The following ECE1 variants were observed in gnomAD, a reference collection of about 807,000 sequenced individuals.
The protein encoded by ECE1 is endothelin converting enzyme 1, also known as endothelin-converting enzyme 1.
Under a neutral mutation model 98.6 loss-of-function variants are expected in ECE1, and 35 were observed. That is an observed-to-expected ratio of 0.35 (90% CI 0.27 to 0.47). The LOEUF (loss-of-function observed/expected upper bound fraction) is 0.47. Ranked by LOEUF, ECE1 falls within the 20% of genes least tolerant of loss-of-function variation. The probability of loss-of-function intolerance (pLI) is 1.00; values close to 1 mark genes in which losing one functional copy is unlikely to be tolerated. For synonymous variants in ECE1, 394 were observed against 407.1 expected, an observed-to-expected ratio of 0.97 and a Z score of 0.39; for missense variants, 814 against 1,025.3, an observed-to-expected ratio of 0.79 and a Z score of 2.81.
At chr1:21,259,425 A>G (rs1288345290) in intron 5 of ECE1, among the ~76,000 whole-genome samples, 3 of 151,960 alleles carry the variant, frequency 2.0e-5, no homozygotes, top group Non-Finnish European at 2.9e-5. Flanking sequence ...GTATCACCAC[A>G]CCTGGCTAAT....
intron 4 of ECE1, among the ~76,000 whole-genome samples, chr1:21,262,940 C>T (rs547963679): frequency 5.2e-4 from 79 of 152,174 alleles, no homozygotes; most frequent in Non-Finnish European, 8.7e-4. Flanking sequence ...GGAGGCCTGT[C>T]CACGTGAGGC....
intron 14 of ECE1, among the ~76,000 whole-genome samples, chr1:21,229,467 T>C (rs1343803678): frequency 6.6e-6 from 1 of 152,134 alleles, no homozygotes; most frequent in Non-Finnish European, 1.5e-5. Context: ...CTATGGAATT[T>C]CAGACGTGGA....
intron 1 of ECE1, among the ~76,000 whole-genome samples, chr1:21,318,798 C>T (rs555796623): frequency 2.0e-5 from 3 of 152,108 alleles, no homozygotes; most frequent in African/African-American, 4.8e-5. Context: ...TGCCAAAAAG[C>T]GGACGGGGGA....
At chr1:21,335,822 G>T (rs1351545993) in intron 1 of ECE1, among the ~76,000 whole-genome samples, 1 of 152,176 alleles carries the variant, frequency 6.6e-6, no homozygotes, top group Non-Finnish European at 1.5e-5. Context: ...CAGGGAGCTG[G>T]GAAGCTTCGA....
Position 21,260,347 on chromosome 1 carries a change from A to T in ECE1, c.539T>A (p.Val180Glu). 6.2e-7 allele frequency: 1 copy of T among 1,614,218 alleles called. No homozygotes were observed. The highest frequency in any genetic ancestry group is 1.3e-5 in the African/African-American group (1 of 75,054). The stretch of plus-strand genomic sequence containing the variant: ...CTCGTTCATGCACGCACGGTAGTAT[A>T]CTTGCGCCTTTCTCTCTGCCTCGCT... ...SVSEAERKAQ[V>E]YYRACMNETR... is the part of the protein sequence containing the mutation. The change falls in exon 5 of 19, where the codon GTA becomes GAA. Residue 180 changes from valine (V) to glutamate (E), a missense_variant. Val to Glu is a moderately radical substitution (Grantham distance 121). Around this residue, in one of 3 missense-constraint regions of ECE1, gnomAD observed 257 missense variants for 278.9 expected, o/e 0.92. Coordinates refer to ENST00000374893, the MANE Select transcript of ECE1 (RefSeq NM_001397.3). The surrounding 1 kb of genome is among the most constrained non-coding windows in gnomAD (Gnocchi z 4.3).
chr1:21,249,532 CA>C (rs28751277), intron 8 of ECE1, among the ~76,000 whole-genome samples: 67,586 of 151,088 alleles, frequency 0.45, 15,269 homozygotes, highest in Non-Finnish European at 0.46. Context: ...CCCATCTTTA[CA>C]AAAAAAAATT....
At chr1:21,250,878 A>G (rs1448737807) in intron 8 of ECE1, among the ~76,000 whole-genome samples, 4 of 152,182 alleles carry the variant, frequency 2.6e-5, no homozygotes, top group African/African-American at 9.7e-5. Flanking sequence ...ATTATGGTGG[A>G]CGCCTGTAGT....
chr1:21,281,201 C>G (rs1569637065), intron 2 of ECE1, among the ~76,000 whole-genome samples: 1 of 136,398 alleles, frequency 7.3e-6, no homozygotes, highest in Non-Finnish European at 1.7e-5. Flanking sequence ...GAAAACAAAA[C>G]AAAACAAAAC....
chr1:21,289,118 A>G (rs1462757935), intron 2 of ECE1, among the ~76,000 whole-genome samples: 2 of 151,948 alleles, frequency 1.3e-5, no homozygotes, highest in African/African-American at 4.8e-5. Flanking sequence ...CGCCTTTGGG[A>G]AGAGTTGTGT....
At chr1:21,329,684 T>C (rs1424405628) in intron 1 of ECE1, among the ~76,000 whole-genome samples, 6 of 152,214 alleles carry the variant, frequency 3.9e-5, no homozygotes, top group African/African-American at 1.4e-4. Flanking sequence ...TGTCTGTCTG[T>C]GCCTCCTACC....
chr1:21,335,325 C>T (rs968740906), intron 1 of ECE1, among the ~76,000 whole-genome samples: 1 of 152,186 alleles, frequency 6.6e-6, no homozygotes, highest in Non-Finnish European at 1.5e-5. Context: ...TCTCTCGGAG[C>T]GATCCTTCTG....
chr1:21,279,589 T>C, intron 2 of ECE1: 1 of 1,436,766 alleles, frequency 7.0e-7, no homozygotes, highest in Non-Finnish European at 9.1e-7. Flanking sequence ...TTTGTGTCAC[T>C]CGATATGAGT....
intron 2 of ECE1, among the ~76,000 whole-genome samples, chr1:21,286,127 T>C (rs180764369): frequency 7.7e-4 from 117 of 152,308 alleles, no homozygotes; most frequent in South Asian, 3.5e-3. Flanking sequence ...TTAGAAGTAA[T>C]TGAATGAATT....
At chr1:21,276,679 GCTTT>G (rs1235429805) in intron 3 of ECE1, among the ~76,000 whole-genome samples, 18 of 145,848 alleles carry the variant, frequency 1.2e-4, no homozygotes, top group African/African-American at 3.0e-4. Context: ...CATCAGATTT[GCTTT>G]CTTTTTTTTT....
At chr1:21,315,139 A>AC (rs1638806266) in intron 1 of ECE1, among the ~76,000 whole-genome samples, 1 of 152,208 alleles carries the variant, frequency 6.6e-6, no homozygotes, top group Admixed American at 6.5e-5. Context: ...CAGAGTCAAT[A>AC]CCTATTTAAC....
At chr1:21,255,891 C>T in intron 8 of ECE1, 56 bp downstream of exon 8, 1 of 1,579,648 alleles carries the variant, frequency 6.3e-7, no homozygotes, top group Non-Finnish European at 8.7e-7. Context: ...AGTCCAGGGC[C>T]CTGTCTGAAA....
intron 1 of ECE1, among the ~76,000 whole-genome samples, chr1:21,338,469 C>T (rs1639342806): frequency 6.6e-6 from 1 of 152,232 alleles, no homozygotes; most frequent in Non-Finnish European, 1.5e-5. Context: ...GAAAGTGGAG[C>T]TCAAAGGGGT....
At position 21,319,232 on chromosome 1, in the gene ECE1, C is replaced by T. The variant is rs1401053537; in HGVS notation, c.3+26144G>A. On this transcript the variant is annotated intron_variant, in intron 1 of 18. Coordinates refer to the ECE1 transcript ENST00000415912. The surrounding 1 kb of genome is among the most constrained non-coding windows in gnomAD (Gnocchi z 4.4). ...TGGTGGTGTGCGTCTATAATCCCAG[C>T]TACTTGGGAGGCTGAGGTGGGACAA... Among the ~76,000 whole-genome samples the T allele has an allele frequency of 6.6e-6, 1 of 152,126 alleles. No homozygotes were observed. Among genetic ancestry groups the T allele is most frequent in the African/African-American group, 2.4e-5 (1 of 41,426 alleles).
chr1:21,325,216 T>G (rs1045450689), intron 1 of ECE1, among the ~76,000 whole-genome samples: 2 of 151,992 alleles, frequency 1.3e-5, no homozygotes, highest in African/African-American at 4.8e-5. Flanking sequence ...ACCACCAACC[T>G]GGTACCTGAT....
Sources: allele counts gnomAD v4.1 joint callset (sites outside exome capture counted in the v4.1 genomes callset), GRCh38; gene constraint gnomAD v4.1.1; regional missense constraint gnomAD v4.1.1; non-coding constraint Gnocchi (gnomAD v3.1); transcripts MANE v1.5; gene names NCBI Gene and HGNC (gene_info 2026-07-23, HGNC 2026-07-21).